Variants in LIPG observed in about 807,000 individuals in gnomAD.
LIPG encodes endothelial lipase.
A neutral mutation model predicts 51.8 loss-of-function variants in LIPG; 34 were observed. The ratio of observed to expected loss-of-function variants is 0.66; its 90% CI spans 0.50 to 0.87. The LOEUF is 0.87. LIPG is among the 40% of genes least tolerant of loss of function. The pLI, the probability that LIPG is intolerant of heterozygous loss-of-function variation, is 0.00. For missense variants in LIPG, 580 were observed against 652.7 expected, an observed-to-expected ratio of 0.89 and a Z score of 1.21; for synonymous variants, 246 against 246.1, an observed-to-expected ratio of 1.00 and a Z score of 0.00.
rs763333038 is a variant in LIPG, at chr18:49,581,558, A to G, written c.937A>G (p.Lys313Glu). 5 of 1,614,100 alleles carry G rather than the reference A, an allele frequency of 3.1e-6. No homozygotes were observed. The highest frequency in any genetic ancestry group is 1.3e-5 in the African/African-American group (1 of 74,918). ...AAAGGGGATCTGTCTGAGCTGCCGC[A>G]AGAACCGTTGTAATAGCATTGGCTA... is the stretch of plus-strand genomic sequence containing the variant. ...FKKGICLSCR[K>E]NRCNSIGYNA... The change falls in exon 6 of 10, where the codon AAG becomes GAG. Residue 313 changes from lysine to glutamate, a missense_variant. Transcript: ENST00000261292.
rs1263753302 is a variant in LIPG, at chr18:49,577,558, C to T, written c.793+1968C>T. Among the ~76,000 whole-genome samples the T allele has an allele frequency of 7.4e-4, 111 of 149,676 alleles. 1 individual carries two copies. Among genetic ancestry groups the T allele is most frequent in the Non-Finnish European group, 3.1e-4 (21 of 67,564 alleles). ...CACACCTCCCAGACGGGGTGGTGGC[C>T]GGGCAGAGGGGCTCCTCACTTCCCA... is the stretch of plus-strand genomic sequence containing the variant. On this transcript the variant is annotated intron_variant, in intron 5 of 9. Transcript: ENST00000261292.
rs780875571 is a variant in LIPG at position 49,581,503 on chromosome 18, C to T, written c.882C>T (p.Ala294=). ...SLVNQDKPSF[A]FQCTDSNRFK... ...TGAATCAGGACAAGCCGAGTTTTGC[C>T]TTCCAGTGCACTGACTCCAATCGCT... Residue 294 remains alanine, a synonymous_variant, in exon 6 of 10, where the codon GCC becomes GCT. Coordinates refer to ENST00000261292, the MANE Select transcript of LIPG (RefSeq NM_006033.4). The T allele has an allele frequency of 1.2e-6, 2 of 1,614,186 alleles. No individual in the cohort carries two copies. Among genetic ancestry groups the T allele is most frequent in the Admixed American group, 1.7e-5 (1 of 60,014 alleles).
intron 1 of LIPG, 82 bp from the exon 2 acceptor site, chr18:49,565,235 C>A (rs1600541561): frequency 7.0e-7 from 1 of 1,420,512 alleles, no homozygotes. Flanking sequence ...GCAAATTGCT[C>A]ACGATTGAAC....
At position 49,576,457 on chromosome 18, in the gene LIPG, C is replaced by CTTTTTTTTTTTTTTTT. The variant is rs34597464; in HGVS notation, c.793+879_793+894dup. ...TCTTTTTTTAAAAGACAGAATCTTG[C>CTTTTTTTTTTTTTTTT]TTTTTTTTTTTTTTTTTTTTTTTTT... On this transcript the variant is annotated intron_variant, in intron 5 of 9. Coordinates refer to ENST00000261292, the MANE Select transcript of LIPG (RefSeq NM_006033.4). Among the ~76,000 whole-genome samples the CTTTTTTTTTTTTTTTT allele has an allele frequency of 2.4e-3, 126 of 51,522 alleles. 40 individuals are homozygous for CTTTTTTTTTTTTTTTT. The highest frequency in any genetic ancestry group is 3.6e-3 in the Admixed American group (13 of 3,600). The allele number at this position is 51,522 out of a possible 152,430, so 33.8% of individuals were successfully genotyped here. A position where few individuals can be genotyped will look rare whatever the true frequency, so the allele number is the denominator to read the frequency against.
chr18:49,583,590 T>C lies in LIPG; in HGVS notation c.1192T>C (p.Phe398Leu). ...ERIEQNATNT[F>L]LVYTEEDLGD... ...GATCGAGCAGAATGCCACCAACACC[T>C]TCCTGGTCTACACCGAGGAGGACTT... The change falls in exon 8 of 10, where the codon TTC becomes CTC. Residue 398 changes from phenylalanine to leucine, a missense_variant. By Grantham distance (22) the Phe-to-Leu change is conservative (BLOSUM62 0). Transcript: ENST00000261292. The C allele has an allele frequency of 6.2e-7, 1 of 1,614,054 alleles. No individual in the cohort carries two copies. The highest frequency in any genetic ancestry group is 8.5e-7 in the Non-Finnish European group (1 of 1,179,994).
Position 49,586,751 on chromosome 18 carries a change from C to T in LIPG, c.1382C>T (p.Thr461Ile), listed in dbSNP as rs202190556. ...VKSGETQRKL[T>I]FCTEDPENTS... ...TGGTTTCTTTTCCCTCCTAGACTGA[C>T]ATTTTGTACAGAAGACCCTGAGAAC... Residue 461 changes from threonine to isoleucine, a missense_variant, in exon 9 of 10, where the codon ACA becomes ATA. By Grantham distance (89) the Thr-to-Ile change is moderately conservative. Transcript: ENST00000261292. The T allele has an allele frequency of 6.2e-7, 1 of 1,612,968 alleles. No individual in the cohort carries two copies. Among genetic ancestry groups the T allele is most frequent in the Non-Finnish European group, 8.5e-7 (1 of 1,178,950 alleles).
intron 5 of LIPG, among the ~76,000 whole-genome samples, chr18:49,579,272 A>T (rs1386066768): frequency 6.8e-6 from 1 of 146,554 alleles, no homozygotes; most frequent in Non-Finnish European, 1.5e-5. Context: ...ATTTTTGGTA[A>T]CATTTTAAAG....
In LIPG at chr18:49,590,768, A is replaced by C; in HGVS notation, c.*246A>C. 1 of 586,866 alleles carries C rather than the reference A, an allele frequency of 1.7e-6. No homozygotes were observed. The highest frequency in any genetic ancestry group is 2.9e-5 in the Admixed American group (1 of 34,976). 36.4% of individuals were successfully genotyped at this position (586,866 alleles called of 1,614,324 possible). A position where few individuals can be genotyped will look rare whatever the true frequency, so the allele number is the denominator to read the frequency against. On this transcript the variant is annotated 3_prime_UTR_variant, in exon 10 of 10. Transcript: ENST00000261292. ...AAACCTCTGTCCACACCTCCAGAGC[A>C]CCAAGTCCAGATTTGTGTGTAAGCA...
chr18:49,570,520 G>T (rs909451394), intron 4 of LIPG, among the ~76,000 whole-genome samples: 6 of 152,108 alleles, frequency 3.9e-5, no homozygotes, highest in Admixed American at 3.9e-4. Flanking sequence ...TCCTTTCCCT[G>T]CAGTGTTTTC....
chr18:49,586,761 A>G lies in LIPG; in HGVS notation c.1392A>G (p.Thr464=). Residue 464 remains threonine (T), a synonymous_variant, in exon 9 of 10, where the codon ACA becomes ACG. Coordinates refer to ENST00000261292, the MANE Select transcript of LIPG (RefSeq NM_006033.4). ...TCCCTCCTAGACTGACATTTTGTAC[A>G]GAAGACCCTGAGAACACCAGCATAT... is the stretch of plus-strand genomic sequence containing the variant. ...GETQRKLTFC[T]EDPENTSISP... 1 of 1,613,922 alleles carries G rather than the reference A, an allele frequency of 6.2e-7. No homozygotes were observed. Among genetic ancestry groups the G allele is most frequent in the South Asian group, 1.1e-5 (1 of 91,076 alleles).
intron 4 of LIPG, among the ~76,000 whole-genome samples, chr18:49,574,874 A>G (rs2148850424): frequency 6.6e-6 from 1 of 152,344 alleles, no homozygotes; most frequent in South Asian, 2.1e-4. Context: ...AGATACAAAT[A>G]GCTCCGTTTG....
Position 49,567,601 on chromosome 18 carries a change from A to T in LIPG, c.439A>T (p.Arg147Trp), listed in dbSNP as rs2084620610. ...CAGGGTGGTGGGACACAGCATTGCCAGGATGCTCGACTGGCTGCAGGTACT... is the reference window on the plus strand; with the variant it reads ...CAGGGTGGTGGGACACAGCATTGCCTGGATGCTCGACTGGCTGCAGGTACT... ...NTRVVGHSIA[R>W]MLDWLQEKDD... Residue 147 changes from arginine to tryptophan, a missense_variant, in exon 3 of 10, where the codon AGG (arginine) becomes TGG (tryptophan). Transcript: ENST00000261292. 2 of 1,614,072 alleles carry T rather than the reference A, an allele frequency of 1.2e-6. No individual in the cohort carries two copies. Among genetic ancestry groups the T allele is most frequent in the East Asian group, 2.2e-5 (1 of 44,880 alleles).
At position 49,592,132 on chromosome 18, in the gene LIPG, C is replaced by T. The variant is rs1600574474; in HGVS notation, c.*1610C>T. On this transcript the variant is annotated 3_prime_UTR_variant, in exon 10 of 10. Transcript: ENST00000261292. ...GAGAGGAAGAATGATTTTCTTTGTACTTAGGTTTTCTAAGGACATTGTTTT... is the reference window on the plus strand; with the variant it reads ...GAGAGGAAGAATGATTTTCTTTGTATTTAGGTTTTCTAAGGACATTGTTTT... 1 of 152,172 alleles carries T rather than the reference C, an allele frequency of 6.6e-6. No individual in the cohort carries two copies. Among genetic ancestry groups the T allele is most frequent in the Middle Eastern group, 3.4e-3 (1 of 294 alleles). 9.4% of individuals were successfully genotyped at this position (152,172 alleles called of 1,614,324 possible).
intron 8 of LIPG, among the ~76,000 whole-genome samples, chr18:49,585,363 G>T (rs948261274): frequency 6.6e-6 from 1 of 152,144 alleles, no homozygotes; most frequent in African/African-American, 2.4e-5. Flanking sequence ...ATGCCCAGCC[G>T]CCTTAGTACT....
intron 8 of LIPG, among the ~76,000 whole-genome samples, chr18:49,585,654 G>C (rs2084872864): frequency 6.6e-6 from 1 of 152,194 alleles, no homozygotes; most frequent in South Asian, 2.1e-4. Context: ...GCACATGTGT[G>C]TAAGGGCTGT....
Position 49,586,411 on chromosome 18 carries a change from A to C in LIPG, c.1377-335A>C, listed in dbSNP as rs1317309621. Among the ~76,000 whole-genome samples the C allele has an allele frequency of 2.0e-5, 3 of 152,340 alleles. No individual in the cohort carries two copies. In the East Asian group the frequency reaches 5.8e-4, roughly 29 times the overall value. ...AGGACATACTTTGTAACCAGTTTAA[A>C]GGCCAAGGGAGGGTTAGGTTAATGA... On this transcript the variant is annotated intron_variant, in intron 8 of 9. Transcript: ENST00000261292.
At chr18:49,569,590 C>G (rs1206455519) in intron 4 of LIPG, 42 bp downstream of exon 4, 1 of 1,492,598 alleles carries the variant, frequency 6.7e-7, no homozygotes, top group East Asian at 2.3e-5. Context: ...CTCAGCTGCG[C>G]TAAGCCGGAA....
chr18:49,598,089 A>G lies in LIPG; in HGVS notation c.*7567A>G, dbSNP rs2084991804. The stretch of plus-strand genomic sequence containing the variant: ...TTCTGCTTAGGCTGCCCCAAATTCC[A>G]TATAGGATTCTTTTTGAAGAATATA... On this transcript the variant is annotated 3_prime_UTR_variant, in exon 10 of 10. Coordinates refer to ENST00000261292, the MANE Select transcript of LIPG (RefSeq NM_006033.4). 1 of 152,214 alleles carries G rather than the reference A, an allele frequency of 6.6e-6. No homozygotes were observed. Among genetic ancestry groups the G allele is most frequent in the Non-Finnish European group, 1.5e-5 (1 of 68,034 alleles). The allele number at this position is 152,214 out of a possible 1,614,324, so 9.4% of individuals were successfully genotyped here.
chr18:49,586,851 G>T lies in LIPG; in HGVS notation c.1481+1G>T. The T allele has an allele frequency of 1.2e-6, 2 of 1,611,236 alleles. No homozygotes were observed. On this transcript the variant is annotated splice_donor_variant, in intron 9 of 9. Transcript: ENST00000261292. LOFTEE classifies it high-confidence loss of function. ...GCTGGAGGATGAAAAACGAAACCAGGTAACCAGGACTTTCTCACACGTTCC... is the reference window on the plus strand; with the variant it reads ...GCTGGAGGATGAAAAACGAAACCAGTTAACCAGGACTTTCTCACACGTTCC...
Sources: gnomAD v4.1 joint callset for allele counts (sites outside exome capture counted in the v4.1 genomes callset) on GRCh38, gnomAD v4.1.1 for gene constraint, MANE v1.5 for transcripts, NCBI Gene and HGNC (gene_info 2026-07-23, HGNC 2026-07-21) for gene names.